The following NAMPT variants were observed in gnomAD, a reference collection of about 807,000 sequenced individuals.
The protein encoded by NAMPT is NAmPRTase.
NAMPT carries 7 observed loss-of-function variants against 58.7 expected under a neutral mutation model. The observed-to-expected ratio is 0.12, with a 90% CI of 0.07 to 0.22. NAMPT has a LOEUF of 0.22. Among genes scored for constraint, NAMPT ranks in the 10% least tolerant of loss-of-function variants. The probability of loss-of-function intolerance (pLI) is 1.00; values close to 1 mark genes in which losing one functional copy is unlikely to be tolerated. For missense variants in NAMPT, 271 were observed against 567.9 expected, an observed-to-expected ratio of 0.48 and a Z score of 5.31; for synonymous variants, 145 against 198.1, an observed-to-expected ratio of 0.73 and a Z score of 2.25.
At chr7:106,251,955 T>C (rs1163186659) in intron 10 of NAMPT, among the ~76,000 whole-genome samples, 5 of 151,252 alleles carry the variant, frequency 3.3e-5, no homozygotes, top group South Asian at 2.1e-4. Flanking sequence ...AGTCTGAAGA[T>C]TGAGGTGCAT....
intron 2 of NAMPT, chr7:106,276,079 A>C (rs1195826439): frequency 6.6e-6 from 1 of 152,242 alleles, no homozygotes; most frequent in Non-Finnish European, 1.5e-5. Flanking sequence ...TATTCTTGCC[A>C]CTAATAATTA....
upstream of NAMPT, chr7:106,285,138 C>G (rs1562821452): frequency 6.2e-6 from 8 of 1,287,850 alleles, no homozygotes; most frequent in Non-Finnish European, 7.9e-6. Flanking sequence ...ACCTCGGTTC[C>G]CCCGCCTTCA....
chr7:106,257,761 C>T (rs1036120303), intron 8 of NAMPT, among the ~76,000 whole-genome samples: 1 of 152,204 alleles, frequency 6.6e-6, no homozygotes, highest in African/African-American at 2.4e-5. Flanking sequence ...ACTTGAACTC[C>T]GTTCAACTTG....
chr7:106,252,287 T>A (rs541713359), intron 10 of NAMPT, among the ~76,000 whole-genome samples: 1 of 152,118 alleles, frequency 6.6e-6, no homozygotes, highest in Non-Finnish European at 1.5e-5. Context: ...TAACAGGCTA[T>A]ATAAAGGGAT....
At chr7:106,259,336 T>C (rs1238204386) in intron 8 of NAMPT, among the ~76,000 whole-genome samples, 3 of 152,252 alleles carry the variant, frequency 2.0e-5, no homozygotes, top group African/African-American at 4.8e-5. Flanking sequence ...CAAACTCCTG[T>C]TAATGCTGAC....
rs1311587500 is a variant in NAMPT, at chr7:106,249,807, A to C, written c.*1276T>G. 1 of 152,040 alleles carries C rather than the reference A, an allele frequency of 6.6e-6. No homozygotes were observed. The highest frequency in any genetic ancestry group is 1.9e-4 in the East Asian group (1 of 5,200). The allele number at this position is 152,040 out of a possible 1,614,324, so 9.4% of individuals were successfully genotyped here. A position where few individuals can be genotyped will look rare whatever the true frequency, so the allele number is the denominator to read the frequency against. On this transcript the variant is annotated 3_prime_UTR_variant, in exon 11 of 11. Transcript: ENST00000222553. The stretch of plus-strand genomic sequence containing the variant: ...CTCAGAAGAACAGATCTACATACAT[A>C]AAAGAATCATTCGAAAGAAACTGGT...
intron 8 of NAMPT, among the ~76,000 whole-genome samples, chr7:106,258,591 G>A (rs1049612869): frequency 5.9e-5 from 9 of 152,118 alleles, no homozygotes; most frequent in African/African-American, 9.7e-5. Context: ...AAAATACTGT[G>A]GGCTTGCTTC....
rs550262963 is a variant in NAMPT, at chr7:106,255,524, A to G, written c.1090-1020T>C. Among the ~76,000 whole-genome samples the G allele has an allele frequency of 2.0e-5, 3 of 152,102 alleles. No homozygotes were observed. The South Asian group carries it at 6.2e-4, about 31-fold the overall frequency. On this transcript the variant is annotated intron_variant, in intron 8 of 10. Transcript: ENST00000222553. ...CTCGAATTGACTTTCTTTGTTTTCA[A>G]CACTGCAAAGGAAAAAACCCAACAA...
chr7:106,276,454 GT>G (rs1308709462), intron 2 of NAMPT: 11 of 152,242 alleles, frequency 7.2e-5, no homozygotes, highest in African/African-American at 2.7e-4. Context: ...GGAGTTTCCA[GT>G]TCATTAACAA....
chr7:106,261,734 C>A lies in NAMPT; in HGVS notation c.970-27G>T, dbSNP rs1031354085. Reference sequence around the variant, plus strand: ...TATATGGAAAAATACACATGCAACACAAATAACTAAAGCTGAAAACAAGTA... The same window carrying A: ...TATATGGAAAAATACACATGCAACAAAAATAACTAAAGCTGAAAACAAGTA... On this transcript the variant is annotated intron_variant, in intron 7 of 10. Transcript: ENST00000222553. The A allele has an allele frequency of 5.0e-6, 8 of 1,592,866 alleles. No individual in the cohort carries two copies. The East Asian group carries it at 1.8e-4, about 36-fold the overall frequency.
intron 8 of NAMPT, 191 bp downstream of exon 8, chr7:106,261,397 G>A: frequency 6.4e-6 from 3 of 466,972 alleles, no homozygotes; most frequent in Non-Finnish European, 1.2e-5. Flanking sequence ...GGAAGAGTAA[G>A]TATGGCTTGG....
In NAMPT at chr7:106,277,189, G is replaced by GAAAT; in HGVS notation, c.58-14_58-11dup. On this transcript the variant is annotated splice_polypyrimidine_tract_variant and intron_variant, in intron 1 of 10. Transcript: ENST00000222553. The stretch of plus-strand genomic sequence containing the variant: ...GTTTATAGTGAGTAACCTATGTAAA[G>GAAAT]AAATACACTTCTGTTAGAAAACACC... 6.2e-7 allele frequency: 1 copy of GAAAT among 1,602,404 alleles called. No homozygotes were observed.
At chr7:106,259,788 T>C (rs963348679) in intron 8 of NAMPT, among the ~76,000 whole-genome samples, 1 of 152,202 alleles carries the variant, frequency 6.6e-6, no homozygotes, top group Non-Finnish European at 1.5e-5. Context: ...CGAACGGACG[T>C]TGTGTTAGCA....
At chr7:106,281,482 A>C (rs1273359968) in intron 1 of NAMPT, among the ~76,000 whole-genome samples, 3 of 152,220 alleles carry the variant, frequency 2.0e-5, no homozygotes. Context: ...ATGTAAGATC[A>C]CATGGGATAA....
At chr7:106,285,128 A>C (rs1300532582), upstream of NAMPT, 2 of 1,300,906 alleles carry the variant, frequency 1.5e-6, no homozygotes, top group Non-Finnish European at 2.0e-6. Context: ...CGGACTCCCC[A>C]CCTCGGTTCC....
At chr7:106,272,725 A>C (rs1792559678) in intron 3 of NAMPT, 67 bp from the exon 4 acceptor site, 1 of 1,563,718 alleles carries the variant, frequency 6.4e-7, no homozygotes. Context: ...TGTTTTACTA[A>C]AGGTTCTTTA....
intron 6 of NAMPT, among the ~76,000 whole-genome samples, chr7:106,266,458 T>C (rs1229590969): frequency 6.6e-6 from 1 of 152,212 alleles, no homozygotes; most frequent in Non-Finnish European, 1.5e-5. Context: ...AAAATAACTC[T>C]TAAAACTTTG....
chr7:106,275,571 T>A (rs987711305), intron 2 of NAMPT: 1 of 152,428 alleles, frequency 6.6e-6, no homozygotes, highest in Non-Finnish European at 1.5e-5. Flanking sequence ...CAAAATGAGT[T>A]AAGACATACG....
At chr7:106,272,760 G>A in intron 3 of NAMPT, 102 bp from the exon 4 acceptor site, 1 of 1,292,540 alleles carries the variant, frequency 7.7e-7, no homozygotes, top group Non-Finnish European at 1.1e-6. Flanking sequence ...TAAATTTACT[G>A]TCATAGAAAT....
Sources: allele counts gnomAD v4.1 joint callset (sites outside exome capture counted in the v4.1 genomes callset), GRCh38; gene constraint gnomAD v4.1.1; transcripts MANE v1.5; gene names NCBI Gene and HGNC (gene_info 2026-07-23, HGNC 2026-07-21).